SLC36A1: variants seen among roughly 807,000 people sequenced by gnomAD.
The protein encoded by SLC36A1 is proton-coupled amino acid transporter 1.
SLC36A1 carries 30 observed loss-of-function variants against 47.5 expected under a neutral mutation model. The ratio of observed to expected loss-of-function variants is 0.63; its 90% CI spans 0.47 to 0.86. The LOEUF is 0.86. Ranked by LOEUF, SLC36A1 falls within the 40% of genes least tolerant of loss-of-function variation. SLC36A1 has a pLI of 0.00. For synonymous variants in SLC36A1, 255 were observed against 249.7 expected (o/e 1.02, Z -0.20); for missense variants, 517 against 606.0 (o/e 0.85, Z 1.54).
At chr5:151,407,172 A>T in the SLC36A1 span, among the ~76,000 whole-genome samples, 4 of 152,214 alleles carry the variant, frequency 2.6e-5, no homozygotes, top group African/African-American at 9.6e-5. Context: ...TATTGTGAAG[A>T]GCAAAAGAAC....
upstream of SLC36A1, among the ~76,000 whole-genome samples, chr5:151,436,729 T>A (rs558279528): frequency 7.7e-5 from 10 of 129,436 alleles, no homozygotes; most frequent in Admixed American, 6.3e-4. Context: ...ACATTATATA[T>A]GTCCTAGGAC....
the SLC36A1 span, chr5:151,544,068 A>G: frequency 6.2e-7 from 1 of 1,614,178 alleles, no homozygotes; most frequent in South Asian, 1.1e-5. Flanking sequence ...GATCTCCTTT[A>G]TCCATGGCCC....
chr5:151,438,388 T>C (rs1275519464), intron 1 of SLC36A1, among the ~76,000 whole-genome samples: 1 of 145,940 alleles, frequency 6.9e-6, no homozygotes, highest in African/African-American at 2.6e-5. Context: ...AGGCTGTTCT[T>C]AACTAGAGAT....
the SLC36A1 span, among the ~76,000 whole-genome samples, chr5:151,539,496 G>A: frequency 6.6e-6 from 1 of 152,170 alleles, no homozygotes; most frequent in African/African-American, 2.4e-5. Flanking sequence ...ATGTTTATGT[G>A]TATATATGCA....
the SLC36A1 span, chr5:151,542,605 C>T: frequency 1.2e-6 from 2 of 1,614,212 alleles, no homozygotes; most frequent in Admixed American, 1.7e-5. Flanking sequence ...GACATTGCTA[C>T]CAGGGTCTGC....
chr5:151,480,130 T>C (rs765394731), intron 10 of SLC36A1: 9 of 1,456,802 alleles, frequency 6.2e-6, no homozygotes, highest in African/African-American at 2.9e-5. Context: ...AAAATAAAAG[T>C]AAATTTTTTT....
chr5:151,454,396 CAGAG>C (rs546224977), intron 1 of SLC36A1, among the ~76,000 whole-genome samples: 40 of 152,224 alleles, frequency 2.6e-4, no homozygotes, highest in African/African-American at 8.9e-4. Context: ...TGGGGACAGA[CAGAG>C]AGCAGGAGGA....
intron 1 of SLC36A1, among the ~76,000 whole-genome samples, chr5:151,456,088 A>T (rs930035408): frequency 1.2e-4 from 19 of 152,156 alleles, no homozygotes; most frequent in African/African-American, 4.6e-4. Flanking sequence ...TCAGATAAAA[A>T]GTTTCTTTTC....
chr5:151,506,065 T>G, the SLC36A1 span: 1 of 1,543,226 alleles, frequency 6.5e-7, no homozygotes, highest in Non-Finnish European at 8.7e-7. Flanking sequence ...CTGGAGTAAG[T>G]AGGGGGCCAG....
intron 10 of SLC36A1, among the ~76,000 whole-genome samples, chr5:151,482,888 T>C (rs1758997799): frequency 6.6e-6 from 1 of 152,070 alleles, no homozygotes; most frequent in Non-Finnish European, 1.5e-5. Context: ...AAAAACAAAA[T>C]TAGCCTGGTG....
chr5:151,521,379 A>T, the SLC36A1 span: 19 of 1,614,060 alleles, frequency 1.2e-5, no homozygotes, highest in Admixed American at 2.2e-4. Flanking sequence ...GCACTGTGTT[A>T]TGGCAGATTT....
At chr5:151,552,909 TAG>T in the SLC36A1 span, among the ~76,000 whole-genome samples, 1 of 152,210 alleles carries the variant, frequency 6.6e-6, no homozygotes, top group Non-Finnish European at 1.5e-5. Flanking sequence ...TTAGGTCTCC[TAG>T]GCCCTTGGGG....
chr5:151,503,965 T>C, the SLC36A1 span: 7 of 152,178 alleles, frequency 4.6e-5, no homozygotes, highest in Admixed American at 1.3e-4. Flanking sequence ...TGTTGCCAGG[T>C]TGGGAATCTC....
At chr5:151,369,423 G>T in the SLC36A1 span, among the ~76,000 whole-genome samples, 2 of 152,202 alleles carry the variant, frequency 1.3e-5, no homozygotes, top group African/African-American at 4.8e-5. Context: ...AAAGCAATTC[G>T]TGCATTAGAT....
At chr5:151,436,148 A>C (rs1759765170), upstream of SLC36A1, among the ~76,000 whole-genome samples, 1 of 152,224 alleles carries the variant, frequency 6.6e-6, no homozygotes, top group Non-Finnish European at 1.5e-5. Context: ...TAAAATGCAC[A>C]GATCTTAAGT....
intron 10 of SLC36A1, 66 bp from the exon 11 acceptor site, chr5:151,487,906 GAATTCGCTCAA>G: frequency 6.6e-7 from 1 of 1,522,654 alleles, no homozygotes; most frequent in Non-Finnish European, 9.0e-7. Context: ...GACAGATGCT[GAATTCGCTCAA>G]CAGTAGGGAG....
intron 1 of SLC36A1, among the ~76,000 whole-genome samples, chr5:151,437,402 T>C (rs1471409561): frequency 6.6e-6 from 1 of 152,250 alleles, no homozygotes; most frequent in African/African-American, 2.4e-5. Flanking sequence ...AGTCTCCTTA[T>C]CTGACTTACT....
intron 8 of SLC36A1, 84 bp downstream of exon 8, chr5:151,473,855 CATT>C: frequency 9.2e-7 from 1 of 1,091,674 alleles, no homozygotes; most frequent in South Asian, 1.3e-5. Flanking sequence ...GCTGAGGAAA[CATT>C]GTTAGAAAGT....
At chr5:151,439,844 T>C (rs1480370811) in intron 1 of SLC36A1, among the ~76,000 whole-genome samples, 2 of 152,154 alleles carry the variant, frequency 1.3e-5, no homozygotes, top group African/African-American at 4.8e-5. Context: ...GGAGACACCC[T>C]CCTAAGGCAC....
Sources: allele counts gnomAD v4.1 joint callset (sites outside exome capture counted in the v4.1 genomes callset), GRCh38; gene constraint gnomAD v4.1.1; transcripts MANE v1.5; gene names NCBI Gene and HGNC (gene_info 2026-07-23, HGNC 2026-07-21).